The following DENND2D variants were observed in gnomAD, a reference collection of about 807,000 sequenced individuals.
DENND2D encodes DENN domain-containing protein 2D.
Under a neutral mutation model 59.8 loss-of-function variants are expected in DENND2D, and 37 were observed. The ratio of observed to expected loss-of-function variants is 0.62; its 90% confidence interval spans 0.48 to 0.81. The LOEUF is 0.81. DENND2D is among the 40% of genes least tolerant of loss of function. The probability of loss-of-function intolerance (pLI) is 0.00; values close to 1 mark genes in which losing one functional copy is unlikely to be tolerated. For missense variants in DENND2D, 525 were observed against 579.7 expected (o/e 0.91, Z 0.97); for synonymous variants, 219 against 211.3 (o/e 1.04, Z -0.31).
chr1:111,198,855 C>T, intron 2 of DENND2D, 113 bp from the exon 3 acceptor site: 1 of 1,029,572 alleles, frequency 9.7e-7, no homozygotes, highest in South Asian at 1.4e-5. Flanking sequence ...TAGGGTTAAG[C>T]TTCTCCACTA....
chr1:111,187,945 T>C (rs1342037914), intron 11 of DENND2D, among the ~76,000 whole-genome samples, 186 bp downstream of exon 11: 1 of 152,228 alleles, frequency 6.6e-6, no homozygotes, highest in Non-Finnish European at 1.5e-5. Flanking sequence ...GTAAACCAAC[T>C]TCCACAAAAT....
At chr1:111,189,910 A>G (rs941906778) in intron 8 of DENND2D, among the ~76,000 whole-genome samples, 1 of 152,310 alleles carries the variant, frequency 6.6e-6, no homozygotes, top group African/African-American at 2.4e-5. Flanking sequence ...CACGCCTGTA[A>G]TCCCAGCACT....
Position 111,200,573 on chromosome 1 carries a change from A to C in DENND2D, c.-114T>G. ...CTCCAGCCACAACTCTGTGAAGCCA[A>C]GCCACGCGCTGTCTTCCAGAGAGGG... On this transcript the variant is annotated 5_prime_UTR_variant, in exon 1 of 12. Transcript: ENST00000357640. The C allele has an allele frequency of 6.6e-7, 1 of 1,512,178 alleles. No homozygotes were observed. The highest frequency in any genetic ancestry group is 8.9e-7 in the Non-Finnish European group (1 of 1,123,804). The allele number at this position is 1,512,178 out of a possible 1,614,324, so 93.7% of individuals were successfully genotyped here. A position where few individuals can be genotyped will look rare whatever the true frequency, so the allele number is the denominator to read the frequency against.
chr1:111,188,039 G>A lies in DENND2D; in HGVS notation c.1339+92C>T, dbSNP rs761772355. 1.1e-4 allele frequency: 161 copies of A among 1,513,864 alleles called. 1 individual carries two copies. The highest frequency in any genetic ancestry group is 2.6e-5 in the Non-Finnish European group (29 of 1,129,754). The allele number at this position is 1,513,864 out of a possible 1,614,324, so 93.8% of individuals were successfully genotyped here. ...AAAGTCTACCTACAGCTATTTTGTG[G>A]GTTTCTAAAGAGAAGTATTCTTTCT... On this transcript the variant is annotated intron_variant, in intron 11 of 11. Coordinates refer to ENST00000357640, the MANE Select transcript of DENND2D (RefSeq NM_024901.5).
At chr1:111,187,867 G>A (rs1189547471) in intron 11 of DENND2D, among the ~76,000 whole-genome samples, 186 bp from the exon 12 acceptor site, 1 of 152,206 alleles carries the variant, frequency 6.6e-6, no homozygotes, top group Non-Finnish European at 1.5e-5. Context: ...CCCATAAACA[G>A]AGGATACTTA....
At position 111,186,631 on chromosome 1, in the gene DENND2D, T is replaced by C. The variant is rs1657264573; in HGVS notation, c.*974A>G. Among the ~76,000 whole-genome samples, 3 of 152,178 alleles carry C rather than the reference T, an allele frequency of 2.0e-5. No homozygotes were observed. The highest frequency in any genetic ancestry group is 2.9e-5 in the Non-Finnish European group (2 of 68,028). On this transcript the variant is annotated 3_prime_UTR_variant, in exon 12 of 12. Transcript: ENST00000357640. ...AGAGACTAGGTGACCACTAAACTCC[T>C]TCAGACTCTTAAAATTACGATTCTT...
chr1:111,204,147 T>A, upstream of DENND2D: 1 of 456,990 alleles, frequency 2.2e-6, no homozygotes, highest in Non-Finnish European at 2.8e-6. Flanking sequence ...CCCGCTCACC[T>A]GCCCCCGCGC....
rs2101499179 is a variant in DENND2D, at chr1:111,198,762, A to G, written c.244-20T>C. On this transcript the variant is annotated intron_variant, in intron 2 of 11. Transcript: ENST00000357640. ...CTCCCGCTATAAGGCAAAGGAAAAG[A>G]CAAGTGGATGTGAAGCTGGGGGCAG... The G allele has an allele frequency of 2.5e-6, 4 of 1,613,442 alleles. No individual in the cohort carries two copies. The South Asian group carries it at 4.4e-5, about 18-fold the overall frequency.
In DENND2D at chr1:111,199,683, A is replaced by G; in HGVS notation, c.183T>C (p.Ser61=). The part of the protein sequence containing the change: ...QHFFEYLLVV[S]LKKKRSEDDY... ...CATCCTCTGAACGCTTCTTTTTGAG[A>G]GAAACCACAAGAAGGTATTCAAAGA... The change falls in exon 2 of 12, where the codon TCT becomes TCC. Residue 61 remains serine, a synonymous_variant. Transcript: ENST00000357640. 1 of 1,614,076 alleles carries G rather than the reference A, an allele frequency of 6.2e-7. No individual in the cohort carries two copies. Among genetic ancestry groups the G allele is most frequent in the Middle Eastern group, 1.6e-4 (1 of 6,062 alleles).
intron 1 of DENND2D, chr1:111,200,004 A>T: frequency 1.5e-6 from 1 of 647,982 alleles, no homozygotes; most frequent in South Asian, 2.1e-5. Context: ...AACCATGGGG[A>T]GCCAAGCAGA....
At chr1:111,204,075 T>A (rs942692), upstream of DENND2D, 31 of 163,778 alleles carry the variant, frequency 1.9e-4, no homozygotes, top group South Asian at 3.6e-4. Context: ...CCTCGCCCCC[T>A]CAGGCCTGGC....
rs3215959 is a variant in DENND2D at position 111,186,300 on chromosome 1, CA to C, written c.*1304del. On this transcript the variant is annotated 3_prime_UTR_variant, in exon 12 of 12. Transcript: ENST00000357640. ...TTTAGGCACCACTGCCATAAACTAC[CA>C]AAAAAAAATGTAATTCCTAGAAGCT... Among the ~76,000 whole-genome samples the C allele has an allele frequency of 2.6e-5, 4 of 151,012 alleles. No individual in the cohort carries two copies. Among genetic ancestry groups the C allele is most frequent in the East Asian group, 1.9e-4 (1 of 5,148 alleles).
chr1:111,202,357 G>T (rs1414538788), upstream of DENND2D: 10 of 152,186 alleles, frequency 6.6e-5, no homozygotes, highest in East Asian at 1.9e-3. Context: ...TTCAAAAGGT[G>T]TTATCCACAG....
chr1:111,187,708 G>A (rs992240940), intron 11 of DENND2D, 27 bp from the exon 12 acceptor site: 2 of 1,575,482 alleles, frequency 1.3e-6, no homozygotes, highest in Admixed American at 3.4e-5. Context: ...AGGTGTTAGA[G>A]GCATCTGATC....
chr1:111,204,274 G>A (rs1206227438), upstream of DENND2D: 6 of 1,463,892 alleles, frequency 4.1e-6, no homozygotes. Flanking sequence ...GTCCCCCCGC[G>A]CTCTCCCCGG....
At chr1:111,188,402 T>C (rs759553959) in intron 10 of DENND2D, 32 bp from the exon 11 acceptor site, 1 of 1,603,286 alleles carries the variant, frequency 6.2e-7, no homozygotes, top group Non-Finnish European at 8.5e-7. Flanking sequence ...TCTCAGAGGG[T>C]AGCAGAAGGA....
chr1:111,188,096 C>G, intron 11 of DENND2D, 35 bp downstream of exon 11: 1 of 1,612,168 alleles, frequency 6.2e-7, no homozygotes, highest in Non-Finnish European at 8.5e-7. Context: ...AGGTAACCCT[C>G]TATGGGCTTA....
chr1:111,190,844 G>A (rs954406039), intron 8 of DENND2D, among the ~76,000 whole-genome samples: 1 of 152,228 alleles, frequency 6.6e-6, no homozygotes, highest in African/African-American at 2.4e-5. Flanking sequence ...GTCCAGGCCT[G>A]AAACCACTTG....
In DENND2D at chr1:111,189,208, T is replaced by A; in HGVS notation, c.1014+4A>T. On this transcript the variant is annotated splice_donor_region_variant and intron_variant, in intron 9 of 11. Coordinates refer to ENST00000357640, the MANE Select transcript of DENND2D (RefSeq NM_024901.5). Reference sequence around the variant, plus strand: ...CTGCAGGGGATCTGAACCCAGACACTTACCGACATTAAGAAGGTTCCTTCA... The same window carrying A: ...CTGCAGGGGATCTGAACCCAGACACATACCGACATTAAGAAGGTTCCTTCA... The A allele has an allele frequency of 6.2e-7, 1 of 1,614,144 alleles. No individual in the cohort carries two copies. The highest frequency in any genetic ancestry group is 8.5e-7 in the Non-Finnish European group (1 of 1,180,010).
Sources: gnomAD v4.1 joint callset for allele counts (sites outside exome capture counted in the v4.1 genomes callset) on GRCh38, gnomAD v4.1.1 for gene constraint, MANE v1.5 for transcripts, NCBI Gene and HGNC (gene_info 2026-07-23, HGNC 2026-07-21) for gene names.